The following SHISA9 variants were observed in gnomAD, a reference collection of about 807,000 sequenced individuals.
SHISA9 encodes the protein shisa family member 9.
Under a neutral mutation model 38.0 loss-of-function variants are expected in SHISA9, and 13 were observed. The observed-to-expected ratio is 0.34, with a 90% CI of 0.22 to 0.54. The LOEUF (loss-of-function observed/expected upper bound fraction) is 0.54. Among genes scored for constraint, SHISA9 ranks in the 20% least tolerant of loss-of-function variants. The pLI is 0.91. For missense variants in SHISA9, 538 were observed against 575.8 expected, an observed-to-expected ratio of 0.93 and a Z score of 0.67; for synonymous variants, 275 against 242.0, an observed-to-expected ratio of 1.14 and a Z score of -1.27.
At chr16:13,473,349 C>CTTTTT in the SHISA9 span, among the ~76,000 whole-genome samples, 922 of 73,662 alleles carry the variant, frequency 0.013, 1 homozygote, top group Non-Finnish European at 0.017. Context: ...TTCTTTCTTT[C>CTTTTT]TTTTTTTTTT....
At chr16:13,469,813 T>C in the SHISA9 span, among the ~76,000 whole-genome samples, 1 of 151,768 alleles carries the variant, frequency 6.6e-6, no homozygotes, top group Admixed American at 6.6e-5. Flanking sequence ...ACCTGCTGGG[T>C]TGAATTTCAC....
chr16:13,128,786 C>T (rs2050282972), intron 2 of SHISA9, among the ~76,000 whole-genome samples: 1 of 152,108 alleles, frequency 6.6e-6, no homozygotes, highest in African/African-American at 2.4e-5. Context: ...ACTTTTGGTT[C>T]TCCTCATGCT....
chr16:13,234,895 G>A, intron 4 of SHISA9, 135 bp from the exon 5 acceptor site: 1 of 1,007,308 alleles, frequency 9.9e-7, no homozygotes, highest in South Asian at 1.8e-5. Flanking sequence ...AGTTTCTAGT[G>A]TGTCTTGTTT....
chr16:13,379,141 C>T, the SHISA9 span, among the ~76,000 whole-genome samples: 2 of 152,112 alleles, frequency 1.3e-5, no homozygotes, highest in East Asian at 1.9e-4. Flanking sequence ...CTGCTTAACT[C>T]ACCTGTATCC....
chr16:13,398,593 C>T, the SHISA9 span, among the ~76,000 whole-genome samples: 13 of 151,886 alleles, frequency 8.6e-5, no homozygotes, highest in Non-Finnish European at 1.3e-4. Context: ...CTCCGCCCCC[C>T]ACCCCACCTC....
chr16:13,336,166 G>A, the SHISA9 span, among the ~76,000 whole-genome samples: 1 of 152,180 alleles, frequency 6.6e-6, no homozygotes, highest in Non-Finnish European at 1.5e-5. Context: ...CTGTCCAGGA[G>A]CAAGCAGGCA....
At chr16:13,018,090 C>A (rs1156369418) in intron 2 of SHISA9, among the ~76,000 whole-genome samples, 2 of 152,210 alleles carry the variant, frequency 1.3e-5, no homozygotes, top group Non-Finnish European at 2.9e-5. Context: ...AGAGTGCTGA[C>A]CCTTGGCCCG....
chr16:13,038,457 C>G (rs1436885249), intron 2 of SHISA9, among the ~76,000 whole-genome samples: 2 of 152,224 alleles, frequency 1.3e-5, no homozygotes, highest in Admixed American at 6.5e-5. Context: ...ACCCCACTCT[C>G]CTTTGCTCTA....
At chr16:13,168,567 A>G (rs1196859525) in intron 2 of SHISA9, among the ~76,000 whole-genome samples, 10 of 152,210 alleles carry the variant, frequency 6.6e-5, no homozygotes, top group Non-Finnish European at 1.2e-4. Context: ...TTGTCTCTCT[A>G]CTACACCATG....
intron 2 of SHISA9, among the ~76,000 whole-genome samples, chr16:12,922,125 G>T (rs1046407454): frequency 2.0e-5 from 3 of 152,220 alleles, no homozygotes; most frequent in African/African-American, 7.2e-5. Context: ...TGATACAGGT[G>T]TTTGCAGTGT....
At chr16:12,922,554 C>G (rs2071340981) in intron 2 of SHISA9, among the ~76,000 whole-genome samples, 2 of 152,236 alleles carry the variant, frequency 1.3e-5, no homozygotes, top group Non-Finnish European at 2.9e-5. Context: ...GAGTCTCGCT[C>G]TGTTACCCAG....
chr16:13,213,210 C>T, intron 3 of SHISA9, 43 bp from the exon 4 acceptor site: 1 of 1,543,260 alleles, frequency 6.5e-7, no homozygotes, highest in Non-Finnish European at 8.8e-7. Context: ...CATGGGTGCC[C>T]TGCAAACAGA....
intron 2 of SHISA9, among the ~76,000 whole-genome samples, chr16:13,068,295 A>C (rs1231763912): frequency 1.3e-5 from 2 of 152,372 alleles, no homozygotes; most frequent in East Asian, 3.9e-4. Context: ...AAAATGAGCC[A>C]ACAGTAGTCA....
chr16:13,085,091 A>G (rs1315107928), intron 2 of SHISA9, among the ~76,000 whole-genome samples: 1 of 152,190 alleles, frequency 6.6e-6, no homozygotes, highest in Non-Finnish European at 1.5e-5. Context: ...CTTGTGTTGT[A>G]GAAGTATCAT....
the SHISA9 span, among the ~76,000 whole-genome samples, chr16:13,254,483 A>G: frequency 1.3e-5 from 2 of 152,242 alleles, no homozygotes; most frequent in Non-Finnish European, 2.9e-5. Flanking sequence ...AGTTTAGGGA[A>G]TCCCAGGAGA....
At chr16:13,167,736 G>A (rs534073524) in intron 2 of SHISA9, among the ~76,000 whole-genome samples, 8 of 152,032 alleles carry the variant, frequency 5.3e-5, no homozygotes, top group South Asian at 2.1e-4. Flanking sequence ...TTCGCCTTCC[G>A]CCATGATTGT....
intron 2 of SHISA9, among the ~76,000 whole-genome samples, chr16:12,930,611 G>T (rs1179043495): frequency 6.6e-6 from 1 of 152,128 alleles, no homozygotes; most frequent in African/African-American, 2.4e-5. Flanking sequence ...ACTAAGGAGG[G>T]AATTGGGTGT....
chr16:13,241,059 G>A (rs2051431392), downstream of SHISA9, among the ~76,000 whole-genome samples: 1 of 152,164 alleles, frequency 6.6e-6, no homozygotes, highest in Non-Finnish European at 1.5e-5. Context: ...GGGAGACAGT[G>A]TTGAACACAC....
intron 2 of SHISA9, among the ~76,000 whole-genome samples, chr16:13,197,386 G>C (rs1003111646): frequency 1.3e-5 from 2 of 152,084 alleles, no homozygotes; most frequent in Non-Finnish European, 2.9e-5. Flanking sequence ...GAGAGACTTG[G>C]AGCATTCTCT....
Sources: gnomAD v4.1 joint callset for allele counts (sites outside exome capture counted in the v4.1 genomes callset) on GRCh38, gnomAD v4.1.1 for gene constraint, MANE v1.5 for transcripts, NCBI Gene and HGNC (gene_info 2026-07-23, HGNC 2026-07-21) for gene names.